The following ICE2 variants were observed in gnomAD, a reference collection of about 807,000 sequenced individuals.
ICE2 encodes the protein little elongation complex subunit 2.
A neutral mutation model predicts 105.4 loss-of-function variants in ICE2; 87 were observed. That is an observed-to-expected ratio of 0.83 (90% CI 0.69 to 0.99). The LOEUF is 0.99. Among genes scored for constraint, ICE2 ranks in the 50% least tolerant of loss-of-function variants. The probability of loss-of-function intolerance (pLI) is 0.00; values close to 1 mark genes in which losing one functional copy is unlikely to be tolerated. For synonymous variants in ICE2, 399 were observed against 392.0 expected (o/e 1.02, Z -0.21); for missense variants, 1,323 against 1,146.7 (o/e 1.15, Z -2.22).
chr15:60,429,115 T>C (rs952253925), intron 14 of ICE2, among the ~76,000 whole-genome samples: 1 of 152,198 alleles, frequency 6.6e-6, no homozygotes, highest in Admixed American at 6.5e-5. Flanking sequence ...GGTGATATGT[T>C]TGCTACACTG....
chr15:60,428,303 A>C, intron 15 of ICE2, 126 bp downstream of exon 15: 1 of 1,065,524 alleles, frequency 9.4e-7, no homozygotes, highest in South Asian at 1.6e-5. Flanking sequence ...TCCTATGGAT[A>C]TAGCTTTTAG....
At chr15:60,468,014 C>G in intron 4 of ICE2, 47 bp downstream of exon 4, 1 of 1,432,060 alleles carries the variant, frequency 7.0e-7, no homozygotes, top group Non-Finnish European at 9.3e-7. Flanking sequence ...AAAAATATTT[C>G]CTAATTTTTA....
intron 4 of ICE2, 127 bp from the exon 5 acceptor site, chr15:60,466,840 C>T: frequency 1.3e-6 from 1 of 777,080 alleles, no homozygotes; most frequent in Non-Finnish European, 2.0e-6. Context: ...AAGCAGAAAT[C>T]AAAGAAGTCA....
chr15:60,432,315 A>C (rs1362433401), intron 13 of ICE2, among the ~76,000 whole-genome samples: 1 of 151,150 alleles, frequency 6.6e-6, no homozygotes, highest in African/African-American at 2.4e-5. Flanking sequence ...AGCCTCTCAA[A>C]TAGCTGGGAC....
At chr15:60,464,345 A>G (rs1489831890) in intron 5 of ICE2, among the ~76,000 whole-genome samples, 1 of 82,190 alleles carries the variant, frequency 1.2e-5, no homozygotes, top group African/African-American at 3.1e-5. Context: ...CGAGTGAATA[A>G]AACAGCACTT....
At chr15:60,456,425 T>C (rs889565818) in intron 6 of ICE2, among the ~76,000 whole-genome samples, 2 of 149,498 alleles carry the variant, frequency 1.3e-5, no homozygotes, top group African/African-American at 2.4e-5. Context: ...GCGCCTGTAA[T>C]TCCAGCTACT....
chr15:60,435,365 C>A (rs969611221), intron 13 of ICE2, among the ~76,000 whole-genome samples: 1 of 151,168 alleles, frequency 6.6e-6, no homozygotes, highest in East Asian at 2.0e-4. Context: ...TTTGGGAGGC[C>A]GAGGCAGGAG....
intron 14 of ICE2, among the ~76,000 whole-genome samples, chr15:60,431,411 A>G (rs35459684): frequency 0.096 from 14,634 of 152,216 alleles, 907 homozygotes; most frequent in Middle Eastern, 0.21. Context: ...AGGCAGAGGA[A>G]GATATTACCA....
At chr15:60,467,478 G>C (rs1171324419) in intron 4 of ICE2, among the ~76,000 whole-genome samples, 5 of 152,118 alleles carry the variant, frequency 3.3e-5, no homozygotes, top group East Asian at 3.8e-4. Context: ...AGTGAAGATA[G>C]TTTTTTCTTT....
At position 60,449,492 on chromosome 15, in the gene ICE2, C is replaced by T; in HGVS notation, c.1475G>A (p.Cys492Tyr). 1.9e-6 allele frequency: 3 copies of T among 1,614,100 alleles called. No homozygotes were observed. The highest frequency in any genetic ancestry group is 2.2e-5 in the East Asian group (1 of 44,890). ...KNKDDQGFES[C>Y]EKVSNSDKPL... ...CTTGTCAGAATTTGATACCTTTTCA[C>T]ATGATTCAAATCCCTGATCATCTTT... The change falls in exon 10 of 16, where the codon TGT (cysteine) becomes TAT (tyrosine). Residue 492 changes from cysteine to tyrosine, a missense_variant. Coordinates refer to ENST00000261520, the MANE Select transcript of ICE2 (RefSeq NM_024611.6).
intron 5 of ICE2, among the ~76,000 whole-genome samples, chr15:60,458,162 A>G (rs1566997045): frequency 6.6e-6 from 1 of 152,148 alleles, no homozygotes; most frequent in Admixed American, 6.5e-5. Flanking sequence ...TAGGTATTCG[A>G]TCAACTAAAC....
At chr15:60,437,454 G>GC (rs1175490562) in intron 12 of ICE2, among the ~76,000 whole-genome samples, 1 of 150,918 alleles carries the variant, frequency 6.6e-6, no homozygotes, top group Non-Finnish European at 1.5e-5. Context: ...GCCTCAGCCT[G>GC]CCGAGTAGAT....
intron 4 of ICE2, among the ~76,000 whole-genome samples, chr15:60,467,390 C>T (rs902612039): frequency 6.6e-6 from 1 of 152,152 alleles, no homozygotes; most frequent in Non-Finnish European, 1.5e-5. Flanking sequence ...CATTAGTAAT[C>T]ATAAATTAAA....
intron 3 of ICE2, among the ~76,000 whole-genome samples, 173 bp from the exon 4 acceptor site, chr15:60,468,495 TAAG>T (rs1191670049): frequency 6.6e-6 from 1 of 152,230 alleles, no homozygotes; most frequent in Non-Finnish European, 1.5e-5. Context: ...TAAAGTAGAT[TAAG>T]TATTCTGTGG....
chr15:60,449,678 T>C lies in ICE2; in HGVS notation c.1289A>G (p.Asp430Gly), dbSNP rs752298900. 16 of 1,614,098 alleles carry C rather than the reference T, an allele frequency of 9.9e-6. No individual in the cohort carries two copies. The South Asian group carries it at 1.5e-4, about 16-fold the overall frequency. The stretch of plus-strand genomic sequence containing the variant: ...TCCTGCTTTGGGGGCTGTAGGAGCA[T>C]CTGTCATGTTAGGTACTGTGGAAGT... ...ASTSTVPNMT[D>G]APTAPKAGTT... The change falls in exon 10 of 16, where the codon GAT (aspartate) becomes GGT (glycine). Residue 430 changes from aspartate to glycine, a missense_variant. Coordinates refer to ENST00000261520, the MANE Select transcript of ICE2 (RefSeq NM_024611.6).
Position 60,455,433 on chromosome 15 carries a change from T to C in ICE2, c.676A>G (p.Lys226Glu). ...EKTLLALGSV[K>E]YVKTVFPSMP... is the part of the protein sequence containing the mutation. Reference sequence around the variant, plus strand: ...GAGGGAAATACTGTTTTCACATATTTTACACTGCCCTAAATATGAAAAAAA... The same window carrying C: ...GAGGGAAATACTGTTTTCACATATTCTACACTGCCCTAAATATGAAAAAAA... The change falls in exon 7 of 16, where the codon AAA becomes GAA. Residue 226 changes from lysine to glutamate, a missense_variant. Transcript: ENST00000261520. 6.2e-7 allele frequency: 1 copy of C among 1,606,354 alleles called. No individual in the cohort carries two copies. Among genetic ancestry groups the C allele is most frequent in the Non-Finnish European group, 8.5e-7 (1 of 1,173,568 alleles).
chr15:60,427,156 A>T (rs1366464560), intron 15 of ICE2, among the ~76,000 whole-genome samples: 1 of 152,220 alleles, frequency 6.6e-6, no homozygotes, highest in Non-Finnish European at 1.5e-5. Flanking sequence ...AACCCTGTTT[A>T]CTTTAAATTA....
intron 12 of ICE2, chr15:60,438,654 G>T (rs566253067): frequency 6.6e-6 from 1 of 152,344 alleles, no homozygotes; most frequent in East Asian, 1.9e-4. Flanking sequence ...TATAGTATAT[G>T]TCAAATATGG....
chr15:60,427,654 T>C lies in ICE2; in HGVS notation c.2820+775A>G, dbSNP rs575852228. Among the ~76,000 whole-genome samples, 4 of 152,312 alleles carry C rather than the reference T, an allele frequency of 2.6e-5. No homozygotes were observed. In the South Asian group the frequency reaches 6.2e-4, roughly 24 times the overall value. On this transcript the variant is annotated intron_variant, in intron 15 of 15. Coordinates refer to ENST00000261520, the MANE Select transcript of ICE2 (RefSeq NM_024611.6). ...CTGGTCTCAAACTGCTGACCTCAAA[T>C]GATCCACCCGCCTTGGCCTCCCAAA...
Sources: allele counts gnomAD v4.1 joint callset (sites outside exome capture counted in the v4.1 genomes callset), GRCh38; gene constraint gnomAD v4.1.1; transcripts MANE v1.5; gene names NCBI Gene and HGNC (gene_info 2026-07-23, HGNC 2026-07-21).